Variants in CHST6 observed in about 807,000 individuals in gnomAD.
CHST6 encodes the protein carbohydrate sulfotransferase 6.
For missense variants in CHST6, 698 were observed against 586.2 expected (o/e 1.19, Z -1.97); for synonymous variants, 309 against 276.4 (o/e 1.12, Z -1.17).
rs561468086 is a variant in CHST6, at chr16:75,479,586, C to A, written c.243G>T (p.Ser81=). The A allele has an allele frequency of 1.2e-6, 2 of 1,612,992 alleles. No homozygotes were observed. The highest frequency in any genetic ancestry group is 1.7e-5 in the Admixed American group (1 of 60,010). ...EPAWHVWTTL[S]QGSAATLHMA... is the part of the protein sequence containing the mutation. Reference sequence around the variant, plus strand: ...TGTGCAGCGTTGCGGCGCTGCCCTGCGACAGGGTGGTCCACACGTGCCACG... The same window carrying A: ...TGTGCAGCGTTGCGGCGCTGCCCTGAGACAGGGTGGTCCACACGTGCCACG... The change falls in exon 3 of 3, where the codon TCG becomes TCT. Residue 81 remains serine, a synonymous_variant. Coordinates refer to ENST00000332272, the MANE Select transcript of CHST6 (RefSeq NM_021615.5).
Position 75,479,364 on chromosome 16 carries a change from C to CCG in CHST6, c.463_464dup (p.Gln156GlyfsTer226). The CCG allele has an allele frequency of 6.2e-7, 1 of 1,612,672 alleles. No homozygotes were observed. The highest frequency in any genetic ancestry group is 1.6e-4 in the Middle Eastern group (1 of 6,062). ...CCTCCCGGGCCAGGGTGAAGGACTGCCGCGCGCACAGTGGCTTGCACACGG... is the reference window on the plus strand; with the variant it reads ...CCTCCCGGGCCAGGGTGAAGGACTGCCGCGCGCGCACAGTGGCTTGCACACGG... On this transcript the variant is annotated frameshift_variant, in exon 3 of 3. Transcript: ENST00000332272. LOFTEE classifies it low-confidence loss of function (END_TRUNC).
In CHST6 at chr16:75,479,329, G is replaced by A. The variant is rs756399261; in HGVS notation, c.500C>T (p.Ser167Phe). 4.5e-5 allele frequency: 72 copies of A among 1,612,778 alleles called. 1 individual carries two copies. Among genetic ancestry groups the A allele is most frequent in the South Asian group, 2.7e-4 (25 of 91,084 alleles). ...SFTLAREACR[S>F]YSHVVLKEVR... ...CTCCTTGAGCACCACGTGGCTGTAG[G>A]AGCGGCAGGCCTCCCGGGCCAGGGT... Residue 167 changes from serine to phenylalanine, a missense_variant, in exon 3 of 3, where the codon TCC becomes TTC. Coordinates refer to ENST00000332272, the MANE Select transcript of CHST6 (RefSeq NM_021615.5).
rs144466579 is a variant in CHST6, at chr16:75,474,556, G to A, written c.*4085C>T. The A allele has an allele frequency of 1.4e-3, 540 of 398,284 alleles. 10 individuals carry two copies. The East Asian group carries it at 0.019, about 14-fold the overall frequency. 24.7% of individuals were successfully genotyped at this position (398,284 alleles called of 1,614,324 possible). A position where few individuals can be genotyped will look rare whatever the true frequency, so the allele number is the denominator to read the frequency against. On this transcript the variant is annotated 3_prime_UTR_variant, in exon 3 of 3. Coordinates refer to ENST00000332272, the MANE Select transcript of CHST6 (RefSeq NM_021615.5). ...CTTGCAAAGTATTGGGATTACAGGC[G>A]TGAGCCACTGAACCCAGCAAGGGTC...
At position 75,475,577 on chromosome 16, in the gene CHST6, G is replaced by A. The variant is rs2080058093; in HGVS notation, c.*3064C>T. On this transcript the variant is annotated 3_prime_UTR_variant, in exon 3 of 3. Coordinates refer to ENST00000332272, the MANE Select transcript of CHST6 (RefSeq NM_021615.5). Reference sequence around the variant, plus strand: ...TATAAGACATACGTGATCAGCACAAGTATGTACCTACCCAGCCCTGGCTTT... The same window carrying A: ...TATAAGACATACGTGATCAGCACAAATATGTACCTACCCAGCCCTGGCTTT... 1.3e-5 allele frequency: 2 copies of A among 152,240 alleles called. No individual in the cohort carries two copies. The highest frequency in any genetic ancestry group is 4.1e-4 in the South Asian group (2 of 4,832). 9.4% of individuals were successfully genotyped at this position (152,240 alleles called of 1,614,324 possible). A position where few individuals can be genotyped will look rare whatever the true frequency, so the allele number is the denominator to read the frequency against.
Position 75,491,915 on chromosome 16 carries a change from A to ACTCCCAT in CHST6, c.-92+3024_-92+3025insATGGGAG, listed in dbSNP as rs1279852269. 4.1e-4 allele frequency among the ~76,000 whole-genome samples: 62 copies of ACTCCCAT among 152,296 alleles called. No individual in the cohort carries two copies. In the East Asian group the frequency reaches 0.011, roughly 28 times the overall value. ...CCCGCTCTGCACTAAAAGGTGTCAG[A>ACTCCCAT]GCTCCCATGCACACTCTCAACACCA... On this transcript the variant is annotated intron_variant, in intron 1 of 2. Coordinates refer to ENST00000332272, the MANE Select transcript of CHST6 (RefSeq NM_021615.5).
chr16:75,481,048 G>A (rs551556798), intron 2 of CHST6, among the ~76,000 whole-genome samples: 2 of 151,650 alleles, frequency 1.3e-5, no homozygotes, highest in South Asian at 2.1e-4. Context: ...ACCTTGAGGC[G>A]AAAAGTTTGA....
chr16:75,486,828 G>C (rs1431078178), intron 1 of CHST6, among the ~76,000 whole-genome samples: 1 of 152,124 alleles, frequency 6.6e-6, no homozygotes, highest in African/African-American at 2.4e-5. Context: ...TGAAACCCTT[G>C]GTGGGGTGAG....
intron 1 of CHST6, among the ~76,000 whole-genome samples, chr16:75,489,005 A>G (rs1298674456): frequency 1.3e-5 from 2 of 152,086 alleles, no homozygotes; most frequent in African/African-American, 2.4e-5. Flanking sequence ...CTACATGCCC[A>G]GTCTTTCCCA....
intron 1 of CHST6, among the ~76,000 whole-genome samples, chr16:75,483,109 T>C (rs918108532): frequency 1.3e-5 from 2 of 152,200 alleles, no homozygotes; most frequent in Admixed American, 1.3e-4. Flanking sequence ...GTGGGCACGA[T>C]GATGTCAATT....
In CHST6 at chr16:75,479,096, C is replaced by A. The variant is rs1225785130; in HGVS notation, c.733G>T (p.Val245Leu). The change falls in exon 3 of 3, where the codon GTG (valine) becomes TTG (leucine). Residue 245 changes from valine (V) to leucine (L), a missense_variant. By Grantham distance (32) the Val-to-Leu change is conservative. Transcript: ENST00000332272. ...ADPGLRVVRE[V>L]CRSHVRIAEA... ...GCGATGCGTACGTGGCTACGGCACACCTCGCGCACCACGCGCAGGCCGGGG... is the reference window on the plus strand; with the variant it reads ...GCGATGCGTACGTGGCTACGGCACAACTCGCGCACCACGCGCAGGCCGGGG... The A allele has an allele frequency of 1.2e-6, 2 of 1,605,022 alleles. No homozygotes were observed. Among genetic ancestry groups the A allele is most frequent in the South Asian group, 1.1e-5 (1 of 90,972 alleles).
rs1197089246 is a variant in CHST6 at position 75,484,037 on chromosome 16, TAATA to T, written c.-91-2150_-91-2147del. 8.2e-5 allele frequency among the ~76,000 whole-genome samples: 12 copies of T among 147,196 alleles called. No individual in the cohort carries two copies. The East Asian group carries it at 2.5e-3, about 30-fold the overall frequency. ...AGACCCTGTCTCAAAAATAAATAAA[TAATA>T]AATAAATAAATAGGCCGGGTGTGCG... On this transcript the variant is annotated intron_variant, in intron 1 of 2. Transcript: ENST00000332272.
In CHST6 at chr16:75,478,821, C is replaced by T. The variant is rs1334912022; in HGVS notation, c.1008G>A (p.Ala336=). 3 of 1,613,444 alleles carry T rather than the reference C, an allele frequency of 1.9e-6. No individual in the cohort carries two copies. The highest frequency in any genetic ancestry group is 2.7e-5 in the African/African-American group (2 of 75,064). ...ALNVSQAWRH[A]LPFAKIRRVQ... Reference sequence around the variant, plus strand: ...CGCGGCGGATCTTGGCAAAGGGCAGCGCATGGCGCCAGGCCTGGGAGACGT... The same window carrying T: ...CGCGGCGGATCTTGGCAAAGGGCAGTGCATGGCGCCAGGCCTGGGAGACGT... The change falls in exon 3 of 3, where the codon GCG becomes GCA. Residue 336 remains alanine (A), a synonymous_variant. Transcript: ENST00000332272.
chr16:75,475,460 C>T lies in CHST6; in HGVS notation c.*3181G>A, dbSNP rs1346453524. 3 of 152,412 alleles carry T rather than the reference C, an allele frequency of 2.0e-5. No homozygotes were observed. Among genetic ancestry groups the T allele is most frequent in the Non-Finnish European group, 2.9e-5 (2 of 68,194 alleles). 9.4% of individuals were successfully genotyped at this position (152,412 alleles called of 1,614,324 possible). ...CACTAACAGTGGTCAATGCAGTCAC[C>T]CCCACAGCAACCCAGAGCTCTGTGC... On this transcript the variant is annotated 3_prime_UTR_variant, in exon 3 of 3. Coordinates refer to ENST00000332272, the MANE Select transcript of CHST6 (RefSeq NM_021615.5).
chr16:75,478,603 C>T lies in CHST6; in HGVS notation c.*38G>A, dbSNP rs2151665115. ...CAGCCCCCTCTGCACCATGCACTCT[C>T]CTCCCGGGCCTAGCGCCTGCTACAA... On this transcript the variant is annotated 3_prime_UTR_variant, in exon 3 of 3. Transcript: ENST00000332272. 1 of 1,605,510 alleles carries T rather than the reference C, an allele frequency of 6.2e-7. No homozygotes were observed. The highest frequency in any genetic ancestry group is 1.7e-5 in the Admixed American group (1 of 60,028).
At chr16:75,486,220 T>C (rs1190553685) in intron 1 of CHST6, among the ~76,000 whole-genome samples, 1 of 152,234 alleles carries the variant, frequency 6.6e-6, no homozygotes, top group Non-Finnish European at 1.5e-5. Flanking sequence ...GTACTTTGCT[T>C]TCCCTTCTTG....
At chr16:75,480,519 G>A in intron 2 of CHST6, among the ~76,000 whole-genome samples, 1 of 151,746 alleles carries the variant, frequency 6.6e-6, no homozygotes, top group East Asian at 1.9e-4. Flanking sequence ...ATGTAGTAAT[G>A]TCCCTAACTG....
rs150880663 is a variant in CHST6, at chr16:75,478,747, A to C, written c.1082T>G (p.Val361Gly). The C allele has an allele frequency of 1.9e-6, 3 of 1,613,520 alleles. No individual in the cohort carries two copies. In the Admixed American group the frequency reaches 5.0e-5, roughly 27 times the overall value. The stretch of plus-strand genomic sequence containing the variant: ...GTTGCGCTGCTCGTCCTCAGAGTAC[A>C]CAGGCCGGTAGCCCAGCAGCTGCAG... ...GALQLLGYRP[V>G]YSEDEQRNLA... is the part of the protein sequence containing the mutation. The change falls in exon 3 of 3, where the codon GTG becomes GGG. Residue 361 changes from valine to glycine, a missense_variant. Physicochemically the swap from Val to Gly is moderately radical, Grantham distance 109. Transcript: ENST00000332272.
chr16:75,486,914 G>C (rs143688909), intron 1 of CHST6, among the ~76,000 whole-genome samples: 67 of 152,300 alleles, frequency 4.4e-4, no homozygotes, highest in African/African-American at 1.6e-3. Context: ...AATTACATGG[G>C]TGTGTTCAGT....
In CHST6 at chr16:75,478,656, C is replaced by G; in HGVS notation, c.1173G>C (p.Ser391=). 6.2e-7 allele frequency: 1 copy of G among 1,613,614 alleles called. No individual in the cohort carries two copies. The highest frequency in any genetic ancestry group is 2.2e-5 in the East Asian group (1 of 44,872). The change falls in exon 3 of 3, where the codon TCG becomes TCC. Residue 391 remains serine (S), a synonymous_variant. Coordinates refer to ENST00000332272, the MANE Select transcript of CHST6 (RefSeq NM_021615.5). ...GTGGCCTCCACTAATTTCGGGGGTG[C>G]GAGGCGGTGGATGATGCCCAAGTGA... ...NGFTWASSTA[S]HPRN
Sources: allele counts gnomAD v4.1 joint callset (sites outside exome capture counted in the v4.1 genomes callset), GRCh38; gene constraint gnomAD v4.1.1; transcripts MANE v1.5; gene names NCBI Gene and HGNC (gene_info 2026-07-23, HGNC 2026-07-21).